The following ATRNL1 variants were observed in gnomAD, a reference collection of about 807,000 sequenced individuals.
ATRNL1 encodes attractin-like protein 1.
A neutral mutation model predicts 182.7 loss-of-function variants in ATRNL1; 95 were observed. That is an observed-to-expected ratio of 0.52 (90% CI 0.44 to 0.62). The LOEUF is 0.62. Ranked by LOEUF, ATRNL1 falls within the 20% of genes least tolerant of loss-of-function variation. ATRNL1 has a pLI of 0.00. For synonymous variants in ATRNL1, 576 were observed against 568.3 expected (o/e 1.01, Z -0.19); for missense variants, 1,471 against 1,679.5 (o/e 0.88, Z 2.17).
chr10:115,249,224 C>G (rs1850769866), intron 10 of ATRNL1, among the ~76,000 whole-genome samples: 1 of 152,010 alleles, frequency 6.6e-6, no homozygotes, highest in South Asian at 2.1e-4. Flanking sequence ...GAACTCCTGA[C>G]CTCAGGTGAT....
intron 24 of ATRNL1, among the ~76,000 whole-genome samples, chr10:115,485,184 G>A (rs1424738384): frequency 1.3e-5 from 2 of 151,652 alleles, no homozygotes; most frequent in Non-Finnish European, 2.9e-5. Flanking sequence ...CATTTTTATT[G>A]TTTTATAAAA....
chr10:115,465,613 A>G (rs538123230), intron 22 of ATRNL1, among the ~76,000 whole-genome samples: 1 of 141,756 alleles, frequency 7.1e-6, no homozygotes, highest in East Asian at 2.0e-4. Context: ...TCAATAGAAA[A>G]TAAGAAGGAA....
At chr10:115,905,439 A>C (rs1166704561) in intron 28 of ATRNL1, among the ~76,000 whole-genome samples, 1 of 149,838 alleles carries the variant, frequency 6.7e-6, no homozygotes, top group African/African-American at 2.5e-5. Context: ...TATGTTGCCC[A>C]GGTTGGTCTT....
chr10:115,387,878 T>A (rs766821872), intron 19 of ATRNL1, among the ~76,000 whole-genome samples: 1 of 152,226 alleles, frequency 6.6e-6, no homozygotes, highest in Non-Finnish European at 1.5e-5. Context: ...ATCACTCGTA[T>A]CACTACTGTA....
In ATRNL1 at chr10:115,697,363, T is replaced by C. The variant is rs550370675; in HGVS notation, c.3796-29885T>C. ...TGTTTTGTATTTTTTTGAGATAGGA[T>C]CTTGCTCTGTTGCTCAGGCTGGAGT... is the stretch of plus-strand genomic sequence containing the variant. On this transcript the variant is annotated intron_variant, in intron 26 of 28. Transcript: ENST00000355044. Among the ~76,000 whole-genome samples the C allele has an allele frequency of 7.4e-4, 113 of 152,176 alleles. 1 individual carries two copies. The highest frequency in any genetic ancestry group is 1.7e-3 in the Admixed American group (26 of 15,270).
intron 26 of ATRNL1, among the ~76,000 whole-genome samples, chr10:115,610,995 A>T (rs1224000637): frequency 2.0e-5 from 3 of 151,908 alleles, no homozygotes; most frequent in African/African-American, 7.2e-5. Flanking sequence ...GATATATTAC[A>T]CAAATTTAGA....
chr10:115,182,908 TAAG>T (rs1385443650), intron 8 of ATRNL1, among the ~76,000 whole-genome samples: 2 of 151,224 alleles, frequency 1.3e-5, no homozygotes, highest in African/African-American at 4.8e-5. Context: ...GGATAAAAAA[TAAG>T]AAAATATCTA....
chr10:115,730,782 T>A (rs1441540547), intron 27 of ATRNL1, among the ~76,000 whole-genome samples: 2 of 152,098 alleles, frequency 1.3e-5, no homozygotes, highest in African/African-American at 2.4e-5. Context: ...TAATAGGAGA[T>A]ATATAGTTGT....
chr10:115,635,693 T>C (rs559757190), intron 26 of ATRNL1, among the ~76,000 whole-genome samples: 4 of 152,286 alleles, frequency 2.6e-5, no homozygotes, highest in African/African-American at 9.6e-5. Flanking sequence ...ATGCTCATAA[T>C]AGCATTACCA....
chr10:115,107,745 G>A (rs1844078311), intron 1 of ATRNL1, among the ~76,000 whole-genome samples: 2 of 152,208 alleles, frequency 1.3e-5, no homozygotes, highest in African/African-American at 2.4e-5. Flanking sequence ...TGCAGAATTG[G>A]CACCACATGG....
chr10:115,632,999 T>A (rs535681653), intron 26 of ATRNL1, among the ~76,000 whole-genome samples: 1 of 151,984 alleles, frequency 6.6e-6, no homozygotes, highest in South Asian at 2.1e-4. Context: ...TTTAAATGAT[T>A]CTCATGCCTC....
intron 19 of ATRNL1, among the ~76,000 whole-genome samples, chr10:115,385,874 T>G (rs891053864): frequency 1.3e-4 from 20 of 152,230 alleles, no homozygotes; most frequent in African/African-American, 3.4e-4. Flanking sequence ...TGATGGAATA[T>G]GTGTAGGATT....
intron 26 of ATRNL1, among the ~76,000 whole-genome samples, chr10:115,558,783 C>A (rs1423870973): frequency 1.3e-5 from 2 of 152,038 alleles, no homozygotes; most frequent in Non-Finnish European, 2.9e-5. Flanking sequence ...TATTTTCCTG[C>A]CTCAAACTTA....
intron 20 of ATRNL1, among the ~76,000 whole-genome samples, chr10:115,415,127 A>G (rs555978175): frequency 2.0e-5 from 3 of 152,168 alleles, no homozygotes; most frequent in African/African-American, 4.8e-5. Context: ...GTTGTCCTCC[A>G]TATGAATTTT....
intron 26 of ATRNL1, among the ~76,000 whole-genome samples, chr10:115,553,783 A>G (rs1853146092): frequency 6.6e-6 from 1 of 151,494 alleles, no homozygotes. Context: ...CAAAAGTAAT[A>G]ATATTAAACT....
intron 25 of ATRNL1, among the ~76,000 whole-genome samples, chr10:115,527,361 T>C (rs1851275407): frequency 6.6e-6 from 1 of 152,056 alleles, no homozygotes; most frequent in Non-Finnish European, 1.5e-5. Flanking sequence ...GCTCAAGTGA[T>C]CCGCTCACCT....
At chr10:115,497,981 A>C (rs1554978884) in intron 24 of ATRNL1, among the ~76,000 whole-genome samples, 2 of 152,142 alleles carry the variant, frequency 1.3e-5, no homozygotes, top group Non-Finnish European at 2.9e-5. Context: ...AAATCATCAA[A>C]GCATGAAATT....
At chr10:115,701,625 CA>C (rs1946739275) in intron 26 of ATRNL1, among the ~76,000 whole-genome samples, 1 of 151,832 alleles carries the variant, frequency 6.6e-6, no homozygotes, top group Non-Finnish European at 1.5e-5. Flanking sequence ...ATATTACAGC[CA>C]ATCCTGCGAA....
intron 26 of ATRNL1, among the ~76,000 whole-genome samples, chr10:115,653,571 A>G (rs1555034929): frequency 1.3e-5 from 2 of 152,140 alleles, no homozygotes; most frequent in Admixed American, 6.6e-5. Context: ...TATCCTTCTG[A>G]TGGACCTTTA....
Sources: gnomAD v4.1 joint callset for allele counts (sites outside exome capture counted in the v4.1 genomes callset) on GRCh38, gnomAD v4.1.1 for gene constraint, MANE v1.5 for transcripts, NCBI Gene and HGNC (gene_info 2026-07-23, HGNC 2026-07-21) for gene names.